ERCC6L2: variants seen among roughly 807,000 people sequenced by gnomAD.
The protein encoded by ERCC6L2 is ERCC excision repair 6 like 2.
A neutral mutation model predicts 132.0 loss-of-function variants in ERCC6L2; 77 were observed. The observed-to-expected ratio is 0.58, with a 90% CI of 0.49 to 0.71. ERCC6L2 has a LOEUF of 0.71. Ranked by LOEUF, ERCC6L2 falls within the 30% of genes least tolerant of loss-of-function variation. The pLI, the probability that ERCC6L2 is intolerant of heterozygous loss-of-function variation, is 0.00. For missense variants in ERCC6L2, 1,542 were observed against 1,837.6 expected (o/e 0.84, Z 2.94); for synonymous variants, 583 against 632.4 (o/e 0.92, Z 1.17).
chr9:95,904,259 G>A (rs534084396), intron 3 of ERCC6L2, among the ~76,000 whole-genome samples: 1 of 151,886 alleles, frequency 6.6e-6, no homozygotes, highest in Non-Finnish European at 1.5e-5. Flanking sequence ...TTCTTTCCAC[G>A]TGGAACCTTT....
At chr9:95,894,961 A>G (rs549412355) in intron 2 of ERCC6L2, among the ~76,000 whole-genome samples, 61 of 152,252 alleles carry the variant, frequency 4.0e-4, no homozygotes, top group African/African-American at 1.4e-3. Flanking sequence ...AGTAGTGTGC[A>G]GTGTTCTAGC....
chr9:96,036,063 GA>G (rs1198746304), intron 19 of ERCC6L2, among the ~76,000 whole-genome samples: 4 of 152,142 alleles, frequency 2.6e-5, no homozygotes, highest in Admixed American at 1.3e-4. Flanking sequence ...ATTGGGGTAA[GA>G]TAACACACAT....
At chr9:95,951,831 G>T (rs1831345524) in intron 12 of ERCC6L2, among the ~76,000 whole-genome samples, 1 of 151,610 alleles carries the variant, frequency 6.6e-6, no homozygotes, top group Non-Finnish European at 1.5e-5. Context: ...TAAAGCCCAG[G>T]ACCTTAAGGC....
chr9:96,040,152 G>GCC (rs1173486442), intron 20 of ERCC6L2, among the ~76,000 whole-genome samples: 12 of 151,170 alleles, frequency 7.9e-5, no homozygotes, highest in Non-Finnish European at 1.5e-4. Context: ...ACACAGTCCT[G>GCC]CCCCCCCCCA....
intron 6 of ERCC6L2, chr9:95,918,093 C>T: frequency 3.2e-6 from 1 of 310,382 alleles, no homozygotes; most frequent in South Asian, 3.4e-5. Context: ...GCCATGCATC[C>T]TTCTTCAGTC....
intron 19 of ERCC6L2, among the ~76,000 whole-genome samples, chr9:96,030,307 C>G (rs1834438844): frequency 6.6e-6 from 1 of 152,150 alleles, no homozygotes; most frequent in South Asian, 2.1e-4. Flanking sequence ...ACCCACCCAG[C>G]CAGCAGCGGC....
intron 17 of ERCC6L2, among the ~76,000 whole-genome samples, chr9:95,985,717 G>A (rs982541377): frequency 6.6e-6 from 1 of 152,054 alleles, no homozygotes; most frequent in East Asian, 1.9e-4. Context: ...TAGTATACGA[G>A]GCCTGTCTCA....
intron 13 of ERCC6L2, among the ~76,000 whole-genome samples, chr9:95,956,912 A>G (rs1831632512): frequency 6.6e-6 from 1 of 152,114 alleles, no homozygotes; most frequent in Non-Finnish European, 1.5e-5. Context: ...AGATATTCAT[A>G]TGTTACCATT....
Position 96,012,800 on chromosome 9 carries a change from T to G in ERCC6L2, c.4250T>G (p.Leu1417Arg). 2 of 1,367,556 alleles carry G rather than the reference T, an allele frequency of 1.5e-6. No individual in the cohort carries two copies. Among genetic ancestry groups the G allele is most frequent in the Non-Finnish European group, 2.0e-6 (2 of 1,021,824 alleles). The allele number at this position is 1,367,556 out of a possible 1,614,324, so 84.7% of individuals were successfully genotyped here. The change falls in exon 19 of 19, where the codon CTT becomes CGT. Residue 1417 changes from leucine (L) to arginine (R), a missense_variant. This residue lies in a region of ERCC6L2 where 442 missense variants were observed against 583.4 expected (regional missense o/e 0.76). Coordinates refer to ENST00000653738, the MANE Select transcript of ERCC6L2 (RefSeq NM_020207.7). ...ACGGGCATTTCAAGAAAAGAACCCC[T>G]TCTCAAATTGGAAAACAAAAAGATA... ...TRTGISRKEPLLKLENKKIEN... is the reference protein window; with the variant it reads ...TRTGISRKEPRLKLENKKIEN...
At chr9:95,966,384 G>T (rs56162045) in intron 13 of ERCC6L2, among the ~76,000 whole-genome samples, 178 bp from the exon 14 acceptor site, 14,226 of 152,230 alleles carry the variant, frequency 0.093, 765 homozygotes, top group Admixed American at 0.14. Context: ...AGACTGGCCA[G>T]ATTATTATTA....
chr9:95,960,700 A>G (rs932756297), intron 13 of ERCC6L2, among the ~76,000 whole-genome samples: 1 of 152,284 alleles, frequency 6.6e-6, no homozygotes. Context: ...TACTGATTTC[A>G]GATTTCTGGC....
chr9:95,922,780 G>A (rs1829932216), intron 8 of ERCC6L2, among the ~76,000 whole-genome samples: 1 of 152,020 alleles, frequency 6.6e-6, no homozygotes, highest in South Asian at 2.1e-4. Context: ...ATAATAATTT[G>A]TATATTAAAT....
At position 95,950,910 on chromosome 9, in the gene ERCC6L2, G is replaced by T. The variant is rs920463707; in HGVS notation, c.1848-5004G>T. Among the ~76,000 whole-genome samples, 3 of 152,104 alleles carry T rather than the reference G, an allele frequency of 2.0e-5. No individual in the cohort carries two copies. The South Asian group carries it at 6.2e-4, about 32-fold the overall frequency. On this transcript the variant is annotated intron_variant, in intron 12 of 18. Coordinates refer to ENST00000653738, the MANE Select transcript of ERCC6L2 (RefSeq NM_020207.7). ...CTTCAACACCTGACTTTCATAATAG[G>T]TAAAACATTCAGACAGAAGATCAAT...
At chr9:96,018,662 G>T (rs556446787), downstream of ERCC6L2, among the ~76,000 whole-genome samples, 18 of 150,082 alleles carry the variant, frequency 1.2e-4, no homozygotes, top group African/African-American at 3.9e-4. Context: ...TAGAGACAGG[G>T]TTTCGCCATG....
chr9:95,975,144 C>T (rs1832609426), intron 16 of ERCC6L2, among the ~76,000 whole-genome samples: 1 of 152,106 alleles, frequency 6.6e-6, no homozygotes, highest in African/African-American at 2.4e-5. Context: ...TCTTCATTGT[C>T]AAAGATACAT....
intron 17 of ERCC6L2, among the ~76,000 whole-genome samples, chr9:95,986,373 A>T (rs918589478): frequency 2.0e-5 from 3 of 152,212 alleles, no homozygotes; most frequent in African/African-American, 7.2e-5. Flanking sequence ...TTAGTAAATT[A>T]ACTTTTAGTC....
rs189337539 is a variant in ERCC6L2 at position 96,014,723 on chromosome 9, T to C, written c.*1520T>C. On this transcript the variant is annotated 3_prime_UTR_variant, in exon 19 of 19. Transcript: ENST00000653738. ...AGTGTGAAAACGCTGTTTTAAATTATATGAGTTCGTCATTTGTTTGCTCTG... is the reference window on the plus strand; with the variant it reads ...AGTGTGAAAACGCTGTTTTAAATTACATGAGTTCGTCATTTGTTTGCTCTG... 3.9e-5 allele frequency among the ~76,000 whole-genome samples: 6 copies of C among 152,340 alleles called. No individual in the cohort carries two copies. The highest frequency in any genetic ancestry group is 1.4e-4 in the African/African-American group (6 of 41,584).
intron 18 of ERCC6L2, among the ~76,000 whole-genome samples, chr9:96,007,780 G>A (rs1833907852): frequency 6.6e-6 from 1 of 152,210 alleles, no homozygotes; most frequent in African/African-American, 2.4e-5. Flanking sequence ...AGTAGGAGGA[G>A]ATGAGAGGCC....
In ERCC6L2 at chr9:95,875,941, G is replaced by GCGTTGGCCGC; in HGVS notation, c.-96_-87dup. 6 of 1,329,284 alleles carry GCGTTGGCCGC rather than the reference G, an allele frequency of 4.5e-6. No individual in the cohort carries two copies. Among genetic ancestry groups the GCGTTGGCCGC allele is most frequent in the Admixed American group, 2.0e-5 (1 of 49,336 alleles). 82.3% of individuals were successfully genotyped at this position (1,329,284 alleles called of 1,614,324 possible). ...GATGCTCGGAGGGCGGCCGGAAGTG[G>GCGTTGGCCGC]CGTTGGCCGCCATTGGCCTGCCGGC... On this transcript the variant is annotated 5_prime_UTR_variant, in exon 1 of 19. Coordinates refer to ENST00000653738, the MANE Select transcript of ERCC6L2 (RefSeq NM_020207.7).
Sources: gnomAD v4.1 joint callset for allele counts (sites outside exome capture counted in the v4.1 genomes callset) on GRCh38, gnomAD v4.1.1 for gene constraint, gnomAD v4.1.1 regional missense constraint, MANE v1.5 for transcripts, NCBI Gene and HGNC (gene_info 2026-07-23, HGNC 2026-07-21) for gene names.